Variants in MYO7A observed in about 807,000 individuals in gnomAD.
MYO7A encodes the protein unconventional myosin-VIIa.
Under a neutral mutation model 263.8 loss-of-function variants are expected in MYO7A, and 210 were observed. The observed-to-expected ratio is 0.80, with a 90% confidence interval of 0.71 to 0.89. The LOEUF is 0.89. Ranked by LOEUF, MYO7A falls within the 40% of genes least tolerant of loss-of-function variation. MYO7A has a pLI of 0.00. For synonymous variants in MYO7A, 1,239 were observed against 1,197.3 expected, an observed-to-expected ratio of 1.03 and a Z score of -0.72; for missense variants, 2,820 against 2,968.3, an observed-to-expected ratio of 0.95 and a Z score of 1.16.
chr11:77,206,292 C>A (rs1233388882), intron 41 of MYO7A, 90 bp downstream of exon 41: 14 of 943,802 alleles, frequency 1.5e-5, no homozygotes, highest in South Asian at 1.2e-4. Context: ...GCCTCTCCCC[C>A]ATCACCTGAC....
intron 4 of MYO7A, 75 bp from the exon 5 acceptor site, chr11:77,155,832 C>T: frequency 1.4e-6 from 2 of 1,447,830 alleles, no homozygotes; most frequent in South Asian, 2.8e-5. Flanking sequence ...TGGAGCAGGG[C>T]AGAGCCCAAG....
chr11:77,172,054 C>T (rs1555076351), intron 15 of MYO7A, among the ~76,000 whole-genome samples: 1 of 152,204 alleles, frequency 6.6e-6, no homozygotes, highest in African/African-American at 2.4e-5. Context: ...CCGCCCCCAG[C>T]CTGCTGCTGC....
chr11:77,180,157 G>A (rs1221055829), intron 21 of MYO7A, among the ~76,000 whole-genome samples: 12 of 152,206 alleles, frequency 7.9e-5, no homozygotes, highest in Admixed American at 7.2e-4. Flanking sequence ...GTCACTCTTG[G>A]GAATCTCTGG....
At chr11:77,164,335 A>G (rs1383407045) in intron 14 of MYO7A, among the ~76,000 whole-genome samples, 2 of 152,166 alleles carry the variant, frequency 1.3e-5, no homozygotes, top group Admixed American at 6.5e-5. Context: ...TACAGCCTCA[A>G]GGGGTCCCAT....
At chr11:77,204,279 C>T (rs763401824) in intron 39 of MYO7A, 50 bp downstream of exon 39, 42 of 1,545,314 alleles carry the variant, frequency 2.7e-5, no homozygotes, top group African/African-American at 5.5e-5. Flanking sequence ...CCTGCTGTGA[C>T]GGGCAGCTCT....
chr11:77,191,909 G>A, intron 30 of MYO7A, 142 bp from the exon 31 acceptor site: 4 of 673,170 alleles, frequency 5.9e-6, no homozygotes, highest in Admixed American at 2.8e-5. Context: ...CTAGAATCTG[G>A]TCTGCCTCCT....
chr11:77,207,897 A>G (rs1565481569), intron 42 of MYO7A, among the ~76,000 whole-genome samples: 1 of 152,110 alleles, frequency 6.6e-6, no homozygotes, highest in Non-Finnish European at 1.5e-5. Context: ...ACGCTCCCCC[A>G]GCACCTCTGT....
intron 7 of MYO7A, 25 bp from the exon 8 acceptor site, chr11:77,157,254 C>T (rs1555063732): frequency 2.5e-6 from 4 of 1,574,320 alleles, no homozygotes; most frequent in Non-Finnish European, 3.5e-6. Context: ...TCCCCTGGCC[C>T]CCAGCACTGT....
chr11:77,168,807 A>T (rs1006325559), intron 15 of MYO7A, among the ~76,000 whole-genome samples: 2 of 151,838 alleles, frequency 1.3e-5, no homozygotes, highest in South Asian at 4.2e-4. Context: ...TCTAAAATTT[A>T]AAAAAAGAAA....
chr11:77,131,072 C>A (rs1950752445), intron 2 of MYO7A, among the ~76,000 whole-genome samples: 1 of 152,150 alleles, frequency 6.6e-6, no homozygotes, highest in Non-Finnish European at 1.5e-5. Flanking sequence ...AAGGCTTGAG[C>A]TGGAGCCCCC....
chr11:77,157,420 G>A, intron 8 of MYO7A, 28 bp downstream of exon 8: 1 of 1,509,766 alleles, frequency 6.6e-7, no homozygotes. Context: ...CCCTGGGTAG[G>A]GGGGCACCCA....
chr11:77,189,977 TG>T, intron 28 of MYO7A, 42 bp from the exon 29 acceptor site: 1 of 1,480,280 alleles, frequency 6.8e-7, no homozygotes, highest in Non-Finnish European at 9.0e-7. Flanking sequence ...AAAATCCACA[TG>T]GGGAGCCCCA....
At chr11:77,188,590 TTAGAG>T (rs1455102632) in intron 27 of MYO7A, among the ~76,000 whole-genome samples, 1 of 151,532 alleles carries the variant, frequency 6.6e-6, no homozygotes, top group Non-Finnish European at 1.5e-5. Context: ...GGCTGCAGTC[TTAGAG>T]TACTCAGTTT....
chr11:77,169,512 G>A (rs955789698), intron 15 of MYO7A, among the ~76,000 whole-genome samples: 4 of 152,226 alleles, frequency 2.6e-5, no homozygotes, highest in African/African-American at 4.8e-5. Context: ...TTTCTGGGGA[G>A]CATTTGACAT....
chr11:77,212,218 C>T (rs758140948), intron 46 of MYO7A: 2 of 562,594 alleles, frequency 3.6e-6, no homozygotes, highest in Admixed American at 2.2e-5. Flanking sequence ...GGGGAGCCCT[C>T]GCCCAGGTGG....
At chr11:77,214,513 C>G (rs1227306552) in intron 48 of MYO7A, 94 bp from the exon 49 acceptor site, 1 of 920,316 alleles carries the variant, frequency 1.1e-6, no homozygotes, top group African/African-American at 1.6e-5. Context: ...GTCCTGGGTT[C>G]TGCCCATTGC....
At chr11:77,163,788 GTGTGGAT>G (rs1953246117) in intron 14 of MYO7A, among the ~76,000 whole-genome samples, 2 of 151,060 alleles carry the variant, frequency 1.3e-5, no homozygotes, top group African/African-American at 4.9e-5. Flanking sequence ...GTATTTCGTT[GTGTGGAT>G]AAACCTTTTG....
chr11:77,160,953 G>C lies in MYO7A; in HGVS notation c.1201-20G>C. 1 of 1,582,184 alleles carries C rather than the reference G, an allele frequency of 6.3e-7. No homozygotes were observed. The highest frequency in any genetic ancestry group is 8.6e-7 in the Non-Finnish European group (1 of 1,165,830). On this transcript the variant is annotated intron_variant, in intron 11 of 48. Coordinates refer to ENST00000409709, the MANE Select transcript of MYO7A (RefSeq NM_000260.4). The stretch of plus-strand genomic sequence containing the variant: ...GGGGGAGGGTGTGGCTGGTGCCAGT[G>C]GCTGATCACTGCCTTTCAGGGGATC...
At chr11:77,156,283 C>T (rs1952452559) in intron 5 of MYO7A, among the ~76,000 whole-genome samples, 192 bp downstream of exon 5, 1 of 152,256 alleles carries the variant, frequency 6.6e-6, no homozygotes, top group African/African-American at 2.4e-5. Context: ...TCTTATATCT[C>T]TGTGCTACCA....
Sources: gnomAD v4.1 joint callset for allele counts (sites outside exome capture counted in the v4.1 genomes callset) on GRCh38, gnomAD v4.1.1 for gene constraint, MANE v1.5 for transcripts, NCBI Gene and HGNC (gene_info 2026-07-23, HGNC 2026-07-21) for gene names.